The following ATP1A3 variants were observed in gnomAD, a reference collection of about 807,000 sequenced individuals.
ATP1A3 encodes the protein ATPase Na+/K+ transporting subunit alpha 3.
Under a neutral mutation model 108.8 loss-of-function variants are expected in ATP1A3, and 12 were observed. That is an observed-to-expected ratio of 0.11 (90% CI 0.07 to 0.18). The LOEUF is 0.18. ATP1A3 is among the 10% of genes least tolerant of loss of function. The pLI, the probability that ATP1A3 is intolerant of heterozygous loss-of-function variation, is 1.00. For synonymous variants in ATP1A3, 539 were observed against 564.5 expected, an observed-to-expected ratio of 0.95 and a Z score of 0.64; for missense variants, 498 against 1,387.7, an observed-to-expected ratio of 0.36 and a Z score of 10.19.
chr19:41,981,674 A>G lies in ATP1A3; in HGVS notation c.1303-38T>C. On this transcript the variant is annotated intron_variant, in intron 10 of 22. Transcript: ENST00000648268. The surrounding 1 kb of genome is among the most constrained non-coding windows in gnomAD (Gnocchi z 5.0). Reference sequence around the variant, plus strand: ...AGGGTTGTCAGAACAGGGACAGCTGAGGGGAGGACACAGGCAGGGCCGAGG... The same window carrying G: ...AGGGTTGTCAGAACAGGGACAGCTGGGGGGAGGACACAGGCAGGGCCGAGG... 1 of 1,614,172 alleles carries G rather than the reference A, an allele frequency of 6.2e-7. No individual in the cohort carries two copies. Among genetic ancestry groups the G allele is most frequent in the East Asian group, 2.2e-5 (1 of 44,880 alleles).
chr19:41,983,821 C>A (rs1555864341), intron 8 of ATP1A3, among the ~76,000 whole-genome samples: 1 of 136,362 alleles, frequency 7.3e-6, no homozygotes, highest in Admixed American at 8.2e-5. Context: ...GTCGCCCAGG[C>A]TGGAGTGAGG....
intron 1 of ATP1A3, chr19:41,993,527 AC>A (rs2075360070): frequency 3.9e-5 from 49 of 1,252,324 alleles, no homozygotes; most frequent in Non-Finnish European, 5.2e-5. Flanking sequence ...ACACACACAC[AC>A]ACACACACAC....
chr19:41,993,907 C>G (rs2145995076), intron 1 of ATP1A3, 164 bp downstream of exon 1: 1 of 1,314,266 alleles, frequency 7.6e-7, no homozygotes, highest in East Asian at 2.7e-5. Context: ...CCGCCCCCTG[C>G]GGCCCCACGA....
intron 11 of ATP1A3, among the ~76,000 whole-genome samples, chr19:41,980,573 A>G (rs1555862939): frequency 1.3e-5 from 2 of 151,870 alleles, no homozygotes; most frequent in East Asian, 3.9e-4. Context: ...AGATCACACC[A>G]CTGCCTTTTA....
At chr19:41,993,890 C>T (rs1054274097) in intron 1 of ATP1A3, 181 bp downstream of exon 1, 21 of 1,149,838 alleles carry the variant, frequency 1.8e-5, no homozygotes, top group Non-Finnish European at 2.6e-5. Context: ...GCGCCACAGA[C>T]CCCCCGCCGC....
Position 41,966,754 on chromosome 19 carries a change from T to C in ATP1A3, c.*183A>G. On this transcript the variant is annotated 3_prime_UTR_variant, in exon 23 of 23. Transcript: ENST00000648268. ...ACAGAAAAGAGAGAGGAGAGAGGTT[T>C]GGGGCAGGGGAGAGAAGCCAGCCAG... 1 of 1,439,492 alleles carries C rather than the reference T, an allele frequency of 6.9e-7. No individual in the cohort carries two copies. The highest frequency in any genetic ancestry group is 9.1e-7 in the Non-Finnish European group (1 of 1,094,676). The allele number at this position is 1,439,492 out of a possible 1,614,324, so 89.2% of individuals were successfully genotyped here. A position where few individuals can be genotyped will look rare whatever the true frequency, so the allele number is the denominator to read the frequency against.
chr19:41,968,727 G>A lies in ATP1A3; in HGVS notation c.2819+58C>T. The stretch of plus-strand genomic sequence containing the variant: ...GGACACAAGAGGAAGTACACAGACA[G>A]ACAGACACTCGGACAGGACAGATGG... On this transcript the variant is annotated intron_variant, in intron 20 of 22. Transcript: ENST00000648268. The surrounding 1 kb of genome is among the most constrained non-coding windows in gnomAD (Gnocchi z 5.0). 6.2e-7 allele frequency: 1 copy of A among 1,610,394 alleles called. No individual in the cohort carries two copies. The highest frequency in any genetic ancestry group is 1.1e-5 in the South Asian group (1 of 90,986).
chr19:41,988,365 T>C lies in ATP1A3; in HGVS notation c.106A>G (p.Met36Val). 6.2e-7 allele frequency: 1 copy of C among 1,614,092 alleles called. No homozygotes were observed. Among genetic ancestry groups the C allele is most frequent in the Non-Finnish European group, 8.5e-7 (1 of 1,179,998 alleles). The change falls in exon 3 of 23, where the codon ATG becomes GTG. Residue 36 changes from methionine to valine, a missense_variant. This residue lies in a region of ATP1A3 where 41 missense variants were observed against 59.7 expected (regional missense o/e 0.69). Coordinates refer to ENST00000648268, the MANE Select transcript of ATP1A3 (RefSeq NM_152296.5). The surrounding 1 kb of genome is among the most constrained non-coding windows in gnomAD (Gnocchi z 5.3). ...TTCCGGCAGACCTCTTCCACTGACA[T>C]CTTGTGCTCTGTCTGAGGAACAGGA... ...KKEVAMTEHK[M>V]SVEEVCRKYN...
At chr19:41,987,791 G>A (rs1423986589) in intron 4 of ATP1A3, 145 bp downstream of exon 4, 2 of 1,124,192 alleles carry the variant, frequency 1.8e-6, no homozygotes, top group Admixed American at 1.9e-5. Context: ...ATTTGATCTG[G>A]TTCTCTTGCT....
chr19:41,993,439 C>A, intron 1 of ATP1A3: 1 of 1,535,390 alleles, frequency 6.5e-7, no homozygotes. Context: ...CATGCCTGCT[C>A]CCCTACATGA....
Position 41,982,177 on chromosome 19 carries a change from G to A in ATP1A3, c.994-71C>T, listed in dbSNP as rs541914927. Reference sequence around the variant, plus strand: ...AGCAGGGTTGGATGAGCGACACGAGGGCCACAGCCCAGCTGCCCAGCCCCC... The same window carrying A: ...AGCAGGGTTGGATGAGCGACACGAGAGCCACAGCCCAGCTGCCCAGCCCCC... On this transcript the variant is annotated intron_variant, in intron 8 of 22. Transcript: ENST00000648268. 10 of 1,611,634 alleles carry A rather than the reference G, an allele frequency of 6.2e-6. No individual in the cohort carries two copies. The African/African-American group carries it at 6.7e-5, about 11-fold the overall frequency.
Position 41,975,838 on chromosome 19 carries a change from C to T in ATP1A3, c.2095-41G>A. The T allele has an allele frequency of 3.1e-6, 5 of 1,608,376 alleles. No individual in the cohort carries two copies. In the South Asian group the frequency reaches 4.4e-5, roughly 14 times the overall value. On this transcript the variant is annotated intron_variant, in intron 15 of 22. Transcript: ENST00000648268. Reference sequence around the variant, plus strand: ...GTAAGGATGACACCCAGAGGCCAGTCCCCAGAGTCCCCTCCCTCAGATCCA... The same window carrying T: ...GTAAGGATGACACCCAGAGGCCAGTTCCCAGAGTCCCCTCCCTCAGATCCA...
chr19:41,967,140 T>G lies in ATP1A3; in HGVS notation c.3013+109A>C. Reference sequence around the variant, plus strand: ...GGAGAGATGGGAAGAGAGAGAAGAGTGGGAACCAGGTGGCAGAGCCATCCA... The same window carrying G: ...GGAGAGATGGGAAGAGAGAGAAGAGGGGGAACCAGGTGGCAGAGCCATCCA... On this transcript the variant is annotated intron_variant, in intron 22 of 22. Coordinates refer to ENST00000648268, the MANE Select transcript of ATP1A3 (RefSeq NM_152296.5). The surrounding 1 kb of genome is among the most constrained non-coding windows in gnomAD (Gnocchi z 4.2). 1 of 1,572,322 alleles carries G rather than the reference T, an allele frequency of 6.4e-7. No individual in the cohort carries two copies.
Position 41,981,875 on chromosome 19 carries a change from C to T in ATP1A3, c.1192+33G>A. ...AGGGCCAGGGACTCCTGGAGCCAGG[C>T]CCCCATGGTCCTCACCCGGGGCCTG... On this transcript the variant is annotated intron_variant, in intron 9 of 22. Transcript: ENST00000648268. The surrounding 1 kb of genome is among the most constrained non-coding windows in gnomAD (Gnocchi z 5.0). 1.2e-6 allele frequency: 2 copies of T among 1,614,188 alleles called. No homozygotes were observed. The highest frequency in any genetic ancestry group is 1.1e-5 in the South Asian group (1 of 91,090).
chr19:41,980,836 G>T (rs1030363897), intron 11 of ATP1A3, among the ~76,000 whole-genome samples: 1 of 151,798 alleles, frequency 6.6e-6, no homozygotes, highest in Non-Finnish European at 1.5e-5. Context: ...GTGTGAACCC[G>T]GGAGGTGGAG....
Position 41,968,091 on chromosome 19 carries a change from G to A in ATP1A3, c.2820-328C>T, listed in dbSNP as rs2075064867. ...AGACAGGGACAGAAACAGACACAGA[G>A]ACAGGGACAGACACAGAGAGGCACT... is the stretch of plus-strand genomic sequence containing the variant. On this transcript the variant is annotated intron_variant, in intron 20 of 22. Transcript: ENST00000648268. This position sits in a 1 kb window ranked among gnomAD's most constrained non-coding sequence, Gnocchi z 5.0. Among the ~76,000 whole-genome samples the A allele has an allele frequency of 6.6e-6, 1 of 151,872 alleles. No individual in the cohort carries two copies.
intron 1 of ATP1A3, chr19:41,993,500 T>TGC: frequency 9.1e-7 from 1 of 1,094,542 alleles, no homozygotes; most frequent in South Asian, 1.5e-5. Context: ...CTGCGGAGCC[T>TGC]GCACACACAC....
At chr19:41,987,802 G>A in intron 4 of ATP1A3, 134 bp downstream of exon 4, 1 of 1,195,472 alleles carries the variant, frequency 8.4e-7, no homozygotes, top group Non-Finnish European at 1.2e-6. Context: ...TTCTCTTGCT[G>A]GGTGATTGTG....
At chr19:41,969,609 G>A in intron 18 of ATP1A3, 29 bp from the exon 19 acceptor site, 2 of 1,612,590 alleles carry the variant, frequency 1.2e-6, no homozygotes, top group Non-Finnish European at 1.7e-6. Context: ...AAGCCGAGGA[G>A]AGGCTCAGAT....
Sources: allele counts gnomAD v4.1 joint callset (sites outside exome capture counted in the v4.1 genomes callset), GRCh38; gene constraint gnomAD v4.1.1; regional missense constraint gnomAD v4.1.1; non-coding constraint Gnocchi (gnomAD v3.1); transcripts MANE v1.5; gene names NCBI Gene and HGNC (gene_info 2026-07-23, HGNC 2026-07-21).